ZBTB46: variants seen among roughly 807,000 people sequenced by gnomAD.
ZBTB46 encodes zinc finger and BTB domain containing 46.
In ZBTB46, 8 loss-of-function variants were observed where a neutral mutation model predicts 44.1. That is an observed-to-expected ratio of 0.18 (90% CI 0.11 to 0.33). The LOEUF is 0.33. ZBTB46 is among the 10% of genes least tolerant of loss of function. The probability of loss-of-function intolerance (pLI) is 1.00; values close to 1 mark genes in which losing one functional copy is unlikely to be tolerated. For synonymous variants in ZBTB46, 409 were observed against 382.3 expected (o/e 1.07, Z -0.81); for missense variants, 651 against 847.7 (o/e 0.77, Z 2.88).
intron 3 of ZBTB46, chr20:63,769,462 T>C (rs1055783028): frequency 1.0e-6 from 1 of 983,746 alleles, no homozygotes; most frequent in Non-Finnish European, 1.2e-6. Context: ...CCAGAAGCAC[T>C]GACGATCTTC....
At position 63,745,402 on chromosome 20, in the gene ZBTB46, G is replaced by C. The variant is rs1248650333; in HGVS notation, c.*1528C>G. ...GAGTCCTCCATGTACTCCTCCACAG[G>C]ACCCCCGGCCAGCCCCAGCCCTCCC... On this transcript the variant is annotated 3_prime_UTR_variant, in exon 5 of 5. Transcript: ENST00000245663. 4 of 152,232 alleles carry C rather than the reference G, an allele frequency of 2.6e-5. No homozygotes were observed. Among genetic ancestry groups the C allele is most frequent in the African/African-American group, 9.7e-5 (4 of 41,438 alleles). 9.4% of individuals were successfully genotyped at this position (152,232 alleles called of 1,614,324 possible).
chr20:63,770,593 C>G (rs1011390058), intron 3 of ZBTB46, among the ~76,000 whole-genome samples: 3 of 152,196 alleles, frequency 2.0e-5, no homozygotes, highest in African/African-American at 7.2e-5. Context: ...CTCTGAGTGT[C>G]GGCTGCTCTG....
Position 63,775,826 on chromosome 20 carries a change from G to C in ZBTB46, c.1074C>G (p.Asp358Glu). The part of the protein sequence containing the change: ...YLGPPLTPEK[D>E]DALHQATAVA... ...CCGCGGTGGCCTGATGCAGGGCGTCGTCCTTCTCTGGGGTGAGGGGAGGGC... is the reference window on the plus strand; with the variant it reads ...CCGCGGTGGCCTGATGCAGGGCGTCCTCCTTCTCTGGGGTGAGGGGAGGGC... The change falls in exon 3 of 5, where the codon GAC (aspartate) becomes GAG (glutamate). Residue 358 changes from aspartate (D) to glutamate (E), a missense_variant. This residue lies in a region of ZBTB46 where 385 missense variants were observed against 423.3 expected (regional missense o/e 0.91). Transcript: ENST00000245663. 7 of 1,613,416 alleles carry C rather than the reference G, an allele frequency of 4.3e-6. No homozygotes were observed. Among genetic ancestry groups the C allele is most frequent in the Non-Finnish European group, 5.1e-6 (6 of 1,179,980 alleles).
rs113225950 is a variant in ZBTB46, at chr20:63,792,124, G to C, written c.-33-1334C>G. Among the ~76,000 whole-genome samples the C allele has an allele frequency of 1.2e-3, 185 of 152,190 alleles. 1 individual carries two copies. The highest frequency in any genetic ancestry group is 4.2e-3 in the African/African-American group (175 of 41,512). On this transcript the variant is annotated intron_variant, in intron 1 of 4. Coordinates refer to ENST00000245663, the MANE Select transcript of ZBTB46 (RefSeq NM_001369741.1). Reference sequence around the variant, plus strand: ...TCCGGGAGTAGGGGCCCACCCCCACGGCCTCATCTTAATTAATCATATCCA... The same window carrying C: ...TCCGGGAGTAGGGGCCCACCCCCACCGCCTCATCTTAATTAATCATATCCA...
At chr20:63,749,023 A>C (rs1199520565) in intron 4 of ZBTB46, among the ~76,000 whole-genome samples, 1 of 152,238 alleles carries the variant, frequency 6.6e-6, no homozygotes, top group Non-Finnish European at 1.5e-5. Flanking sequence ...CAGGCCACCC[A>C]GCACGGCCCG....
At chr20:63,806,407 C>CAAA (rs58233169) in intron 1 of ZBTB46, among the ~76,000 whole-genome samples, 9,638 of 90,924 alleles carry the variant, frequency 0.11, 621 homozygotes, top group East Asian at 0.44. Context: ...AACTCCATCT[C>CAAA]AAAAAAAAAA....
chr20:63,804,095 C>A (rs2092666588), intron 1 of ZBTB46, among the ~76,000 whole-genome samples: 1 of 152,108 alleles, frequency 6.6e-6, no homozygotes, highest in South Asian at 2.1e-4. Context: ...CATCTCAGCC[C>A]CAGCCACCAG....
chr20:63,759,867 A>G (rs1246911764), intron 3 of ZBTB46, among the ~76,000 whole-genome samples: 2 of 151,872 alleles, frequency 1.3e-5, no homozygotes, highest in Admixed American at 1.3e-4. Flanking sequence ...GAATTTTATC[A>G]AAAGTGTTTC....
intron 3 of ZBTB46, among the ~76,000 whole-genome samples, chr20:63,757,002 G>C (rs528953690): frequency 6.6e-6 from 1 of 152,104 alleles, no homozygotes; most frequent in Non-Finnish European, 1.5e-5. Flanking sequence ...TGGCGGGGAA[G>C]GGGGGCTTCT....
chr20:63,827,778 A>C (rs2092827819), intron 1 of ZBTB46, among the ~76,000 whole-genome samples: 1 of 152,270 alleles, frequency 6.6e-6, no homozygotes, highest in Non-Finnish European at 1.5e-5. Flanking sequence ...TGTAAATTAG[A>C]GTAAAACGGC....
At chr20:63,793,488 C>A (rs958761633) in intron 1 of ZBTB46, among the ~76,000 whole-genome samples, 3 of 152,196 alleles carry the variant, frequency 2.0e-5, no homozygotes, top group Non-Finnish European at 2.9e-5. Flanking sequence ...TGGCTCCGGG[C>A]CACGTGATGG....
chr20:63,795,531 GGA>G (rs1397026608), intron 1 of ZBTB46, among the ~76,000 whole-genome samples: 1 of 152,262 alleles, frequency 6.6e-6, no homozygotes, highest in Non-Finnish European at 1.5e-5. Context: ...ATAGCCACCA[GGA>G]GAGGGAGAGG....
intron 3 of ZBTB46, among the ~76,000 whole-genome samples, chr20:63,769,069 A>G (rs550272941): frequency 6.6e-6 from 1 of 152,350 alleles, no homozygotes; most frequent in Non-Finnish European, 1.5e-5. Flanking sequence ...TTTTCTCTGT[A>G]CCTGGCTGAG....
intron 2 of ZBTB46, 141 bp from the exon 3 acceptor site, chr20:63,776,103 C>T (rs1027335643): frequency 1.5e-5 from 16 of 1,093,066 alleles, no homozygotes; most frequent in Middle Eastern, 2.6e-4. Flanking sequence ...CCCTGGGAGC[C>T]GGGCACCTGC....
At chr20:63,748,347 G>C (rs988141982) in intron 4 of ZBTB46, among the ~76,000 whole-genome samples, 1 of 152,234 alleles carries the variant, frequency 6.6e-6, no homozygotes, top group Non-Finnish European at 1.5e-5. Context: ...CAAGGCCTGA[G>C]GGAACTACCA....
intron 2 of ZBTB46, among the ~76,000 whole-genome samples, chr20:63,780,088 C>T (rs1290333259): frequency 3.3e-5 from 5 of 151,346 alleles, no homozygotes; most frequent in African/African-American, 4.9e-5. Flanking sequence ...CTGGCCAGCC[C>T]GGTGAAACCC....
At chr20:63,806,945 G>A (rs2092685469) in intron 1 of ZBTB46, among the ~76,000 whole-genome samples, 1 of 152,090 alleles carries the variant, frequency 6.6e-6, no homozygotes, top group South Asian at 2.1e-4. Flanking sequence ...ACCACACCCG[G>A]CTAATTTTTT....
At chr20:63,809,284 C>T (rs180776314) in intron 1 of ZBTB46, among the ~76,000 whole-genome samples, 44 of 152,362 alleles carry the variant, frequency 2.9e-4, no homozygotes, top group South Asian at 6.2e-4. Context: ...CGCGTCCAGT[C>T]CTCATGGCCG....
upstream of ZBTB46, among the ~76,000 whole-genome samples, chr20:63,833,596 A>G (rs1010769293): frequency 1.3e-5 from 2 of 152,106 alleles, no homozygotes; most frequent in Non-Finnish European, 2.9e-5. Flanking sequence ...GTCTCAAAAA[A>G]GAAAAAAAAA....
Sources: allele counts gnomAD v4.1 joint callset (sites outside exome capture counted in the v4.1 genomes callset), GRCh38; gene constraint gnomAD v4.1.1; regional missense constraint gnomAD v4.1.1; transcripts MANE v1.5; gene names NCBI Gene and HGNC (gene_info 2026-07-23, HGNC 2026-07-21).